The following TEX15 variants were observed in gnomAD, a reference collection of about 807,000 sequenced individuals.
TEX15 encodes testis-expressed protein 15.
Under a neutral mutation model 237.3 loss-of-function variants are expected in TEX15, and 171 were observed. The observed-to-expected ratio is 0.72, with a 90% confidence interval of 0.64 to 0.82. TEX15 has a LOEUF of 0.82. TEX15 is among the 40% of genes least tolerant of loss of function. The pLI is 0.00. For synonymous variants in TEX15, 1,338 were observed against 1,269.8 expected (o/e 1.05, Z -1.14); for missense variants, 3,750 against 3,646.5 (o/e 1.03, Z -0.73).
intron 2 of TEX15, 27 bp from the exon 3 acceptor site, chr8:30,887,338 A>G (rs945820332): frequency 1.3e-6 from 2 of 1,504,700 alleles, no homozygotes; most frequent in Admixed American, 4.5e-5. Context: ...GTTATTAAGC[A>G]AAAAGGTCAA....
chr8:30,843,236 A>T lies in TEX15; in HGVS notation c.6931T>A (p.Leu2311Met). 1 of 1,613,376 alleles carries T rather than the reference A, an allele frequency of 6.2e-7. No homozygotes were observed. Among genetic ancestry groups the T allele is most frequent in the Non-Finnish European group, 8.5e-7 (1 of 1,179,658 alleles). ...GACAAAGTATCATATATCTTCTGCAACTTAGAAAAGGCACATTTATTCACT... is the reference window on the plus strand; with the variant it reads ...GACAAAGTATCATATATCTTCTGCATCTTAGAAAAGGCACATTTATTCACT... ...LRVNKCAFSK[L>M]QKIYDTLSKD... The change falls in exon 8 of 11, where the codon TTG becomes ATG. Residue 2311 changes from leucine (L) to methionine (M), a missense_variant. Coordinates refer to ENST00000643185, the MANE Select transcript of TEX15 (RefSeq NM_001350162.2).
chr8:30,866,926 C>T (rs1262274303), intron 5 of TEX15, among the ~76,000 whole-genome samples: 4 of 151,738 alleles, frequency 2.6e-5, no homozygotes, highest in African/African-American at 4.8e-5. Flanking sequence ...TAATATAATG[C>T]TTTAGGGGAG....
Position 30,839,377 on chromosome 8 carries a change from GT to G in TEX15, c.8222+528del, listed in dbSNP as rs201279447. 3.5e-3 allele frequency among the ~76,000 whole-genome samples: 533 copies of G among 152,016 alleles called. 2 individuals carry two copies. The highest frequency in any genetic ancestry group is 0.014 in the Middle Eastern group (4 of 294). ...CGTATGGGAATTGATGACTATGTAGGTTCTCATTAAAATGCCAGTTTTGAAA... is the reference window on the plus strand; with the variant it reads ...CGTATGGGAATTGATGACTATGTAGGTCTCATTAAAATGCCAGTTTTGAAA... On this transcript the variant is annotated intron_variant, in intron 9 of 10. Transcript: ENST00000643185.
At chr8:30,840,232 G>A (rs1807420272) in intron 8 of TEX15, among the ~76,000 whole-genome samples, 1 of 148,652 alleles carries the variant, frequency 6.7e-6, no homozygotes, top group Admixed American at 6.7e-5. Context: ...GTCTCATTCT[G>A]TCACCCAGGC....
At position 30,843,044 on chromosome 8, in the gene TEX15, T is replaced by C; in HGVS notation, c.7123A>G (p.Ile2375Val). The C allele has an allele frequency of 6.2e-7, 1 of 1,613,584 alleles. No individual in the cohort carries two copies. The highest frequency in any genetic ancestry group is 8.5e-7 in the Non-Finnish European group (1 of 1,179,698). Residue 2375 changes from isoleucine to valine, a missense_variant, in exon 8 of 11, where the codon ATA becomes GTA. By Grantham distance (29) the Ile-to-Val change is conservative. Transcript: ENST00000643185. ...TCTGCAAATTCAGCCTGATCCAATA[T>C]CTCACTAATACAACAAATATCTGGG... ...AHPDICCISE[I>V]LDQAEFADLK...
intron 7 of TEX15, among the ~76,000 whole-genome samples, chr8:30,856,675 G>C (rs1324132065): frequency 1.3e-5 from 2 of 152,026 alleles, no homozygotes; most frequent in African/African-American, 2.4e-5. Context: ...ACATACAATA[G>C]AAAATAAAAC....
intron 8 of TEX15, 41 bp downstream of exon 8, chr8:30,841,963 A>G (rs746421498): frequency 1.4e-6 from 2 of 1,412,006 alleles, no homozygotes; most frequent in Non-Finnish European, 1.9e-6. Flanking sequence ...CTTGTTTTCA[A>G]AAAGAATACT....
chr8:30,893,012 G>A (rs1168218783), intron 2 of TEX15, among the ~76,000 whole-genome samples: 8 of 139,810 alleles, frequency 5.7e-5, no homozygotes, highest in African/African-American at 1.1e-4. Context: ...CAGCCTGGGC[G>A]ACAGAGCGAG....
intron 3 of TEX15, among the ~76,000 whole-genome samples, chr8:30,878,130 C>T (rs13276751): frequency 1.4e-5 from 2 of 142,228 alleles, no homozygotes; most frequent in African/African-American, 2.7e-5. Flanking sequence ...CATACTGCCT[C>T]TGAGATTCAA....
At chr8:30,879,620 C>T (rs1808476431) in intron 3 of TEX15, among the ~76,000 whole-genome samples, 1 of 152,206 alleles carries the variant, frequency 6.6e-6, no homozygotes, top group African/African-American at 2.4e-5. Flanking sequence ...AATCTTTATT[C>T]TGTTCCACAG....
At chr8:30,867,821 G>A (rs1263272887) in intron 4 of TEX15, among the ~76,000 whole-genome samples, 2 of 152,040 alleles carry the variant, frequency 1.3e-5, no homozygotes, top group African/African-American at 4.8e-5. Context: ...TTCCCAAGAA[G>A]TTTTTATAGT....
In TEX15 at chr8:30,874,611, A is replaced by G. The variant is rs1197293740; in HGVS notation, c.302+326T>C. Among the ~76,000 whole-genome samples, 4 of 152,162 alleles carry G rather than the reference A, an allele frequency of 2.6e-5. No homozygotes were observed. The East Asian group carries it at 7.7e-4, about 29-fold the overall frequency. On this transcript the variant is annotated intron_variant, in intron 4 of 10. Transcript: ENST00000643185. ...AAGAAGTTACTTTTTGATTACTTCGACTGCAGTTTTACATTATCTAGGAGG... is the reference window on the plus strand; with the variant it reads ...AAGAAGTTACTTTTTGATTACTTCGGCTGCAGTTTTACATTATCTAGGAGG...
intron 4 of TEX15, among the ~76,000 whole-genome samples, chr8:30,872,549 T>C (rs186311978): frequency 2.5e-4 from 38 of 152,238 alleles, no homozygotes; most frequent in Non-Finnish European, 4.4e-4. Flanking sequence ...AGCCTCAGGC[T>C]AGTACTTCAG....
chr8:30,882,038 C>G (rs1190425242), intron 3 of TEX15, among the ~76,000 whole-genome samples: 1 of 152,140 alleles, frequency 6.6e-6, no homozygotes, highest in African/African-American at 2.4e-5. Flanking sequence ...ATGCTTTAAC[C>G]ATGTCCCTCA....
At chr8:30,899,358 G>A (rs1294550204) in intron 1 of TEX15, among the ~76,000 whole-genome samples, 1 of 152,140 alleles carries the variant, frequency 6.6e-6, no homozygotes. Flanking sequence ...CTTATCCGAG[G>A]TAACCAAACT....
At position 30,844,577 on chromosome 8, in the gene TEX15, C is replaced by G. The variant is rs749034881; in HGVS notation, c.5590G>C (p.Glu1864Gln). Reference sequence around the variant, plus strand: ...TACTCAGTATTAACAGTTGATCCTTCAGTCATGCTTCTTTTGTAAACAGAA... The same window carrying G: ...TACTCAGTATTAACAGTTGATCCTTGAGTCATGCTTCTTTTGTAAACAGAA... ...KDSVYKRSMT[E>Q]GSTVNTEYKN... The change falls in exon 8 of 11, where the codon GAA (glutamate) becomes CAA (glutamine). Residue 1864 changes from glutamate to glutamine, a missense_variant. By Grantham distance (29) the Glu-to-Gln change is conservative. Transcript: ENST00000643185. 5 of 1,613,042 alleles carry G rather than the reference C, an allele frequency of 3.1e-6. No individual in the cohort carries two copies. In the South Asian group the frequency reaches 4.4e-5, roughly 14 times the overall value.
At chr8:30,874,420 C>A (rs1439148916) in intron 4 of TEX15, among the ~76,000 whole-genome samples, 1 of 152,056 alleles carries the variant, frequency 6.6e-6, no homozygotes, top group East Asian at 1.9e-4. Flanking sequence ...ATCAAAATGA[C>A]AATAATATGC....
chr8:30,912,276 C>T (rs901727526), intron 1 of TEX15, among the ~76,000 whole-genome samples: 2 of 152,144 alleles, frequency 1.3e-5, no homozygotes, highest in South Asian at 4.1e-4. Flanking sequence ...CCCGCCCTAG[C>T]GCTCCAGGGT....
chr8:30,869,012 G>A (rs116633431), intron 4 of TEX15, among the ~76,000 whole-genome samples: 1,997 of 151,226 alleles, frequency 0.013, 47 homozygotes, highest in African/African-American at 0.047. Flanking sequence ...ACTCCCTGGA[G>A]TTTTGTATTG....
Sources: allele counts gnomAD v4.1 joint callset (sites outside exome capture counted in the v4.1 genomes callset), GRCh38; gene constraint gnomAD v4.1.1; transcripts MANE v1.5; gene names NCBI Gene and HGNC (gene_info 2026-07-23, HGNC 2026-07-21).